UBE2E3: variants seen among roughly 807,000 people sequenced by gnomAD.
UBE2E3 encodes the protein ubiquitin conjugating enzyme E2 E3.
UBE2E3 carries 5 observed loss-of-function variants against 23.6 expected under a neutral mutation model. The ratio of observed to expected loss-of-function variants is 0.21; its 90% confidence interval spans 0.11 to 0.44. The LOEUF is 0.44. Among genes scored for constraint, UBE2E3 ranks in the 20% least tolerant of loss-of-function variants. The pLI, the probability that UBE2E3 is intolerant of heterozygous loss-of-function variation, is 0.99. For synonymous variants in UBE2E3, 78 were observed against 87.5 expected (o/e 0.89, Z 0.60); for missense variants, 81 against 249.8 (o/e 0.32, Z 4.55).
intron 3 of UBE2E3, among the ~76,000 whole-genome samples, chr2:181,001,080 A>T (rs1298957124): frequency 6.6e-6 from 1 of 152,226 alleles, no homozygotes; most frequent in Non-Finnish European, 1.5e-5. Flanking sequence ...AAAATTGGAA[A>T]CAACTTGGGA....
chr2:181,021,356 TC>T (rs894903112), intron 3 of UBE2E3, among the ~76,000 whole-genome samples: 1 of 139,808 alleles, frequency 7.2e-6, no homozygotes, highest in Non-Finnish European at 1.6e-5. Context: ...TCTTTTCTCT[TC>T]TTTTTTTTTT....
intron 3 of UBE2E3, among the ~76,000 whole-genome samples, chr2:181,050,037 C>G (rs1035136212): frequency 6.6e-6 from 1 of 151,820 alleles, no homozygotes; most frequent in African/African-American, 2.4e-5. Flanking sequence ...TACAAAAAGG[C>G]CAATAAGTTA....
At chr2:181,058,061 A>C (rs943063192) in intron 4 of UBE2E3, among the ~76,000 whole-genome samples, 9 of 151,806 alleles carry the variant, frequency 5.9e-5, no homozygotes, top group Non-Finnish European at 1.3e-4. Context: ...TACCTTGCAC[A>C]TCAATAAAGC....
chr2:181,002,959 A>G (rs1574171401), intron 3 of UBE2E3, among the ~76,000 whole-genome samples: 1 of 152,266 alleles, frequency 6.6e-6, no homozygotes, highest in African/African-American at 2.4e-5. Context: ...CACCCGGTAC[A>G]AAAATGCAGG....
intron 3 of UBE2E3, among the ~76,000 whole-genome samples, chr2:181,041,761 T>G (rs4666684): frequency 0.23 from 35,287 of 151,986 alleles, 4,457 homozygotes; most frequent in Non-Finnish European, 0.28. Flanking sequence ...GTAAGCTCTT[T>G]TCAAATAAGA....
intron 3 of UBE2E3, among the ~76,000 whole-genome samples, chr2:181,019,087 C>T (rs1467273298): frequency 6.6e-6 from 1 of 152,140 alleles, no homozygotes; most frequent in Non-Finnish European, 1.5e-5. Flanking sequence ...CCTCAGTCTT[C>T]CAAGTAGCTG....
intron 3 of UBE2E3, among the ~76,000 whole-genome samples, chr2:181,045,270 TG>T (rs1293795643): frequency 1.3e-5 from 2 of 152,164 alleles, no homozygotes; most frequent in African/African-American, 4.8e-5. Flanking sequence ...CTTTTTGAGG[TG>T]GTGATAGGGA....
chr2:181,051,053 C>T (rs1310702782), intron 3 of UBE2E3, among the ~76,000 whole-genome samples: 1 of 151,820 alleles, frequency 6.6e-6, no homozygotes, highest in Non-Finnish European at 1.5e-5. Context: ...CCTTTTCCTT[C>T]CGGCCCAGAG....
chr2:181,059,711 T>TATAC (rs2105482623), intron 4 of UBE2E3, among the ~76,000 whole-genome samples: 1 of 151,810 alleles, frequency 6.6e-6, no homozygotes, highest in East Asian at 1.9e-4. Context: ...GTAACTAGTA[T>TATAC]ATGCTGTATT....
chr2:181,043,827 C>T (rs1314917391), intron 3 of UBE2E3, among the ~76,000 whole-genome samples: 1 of 152,090 alleles, frequency 6.6e-6, no homozygotes, highest in Non-Finnish European at 1.5e-5. Context: ...ATGAATATTT[C>T]TCCATGTCAT....
At chr2:180,987,344 T>TC in intron 3 of UBE2E3, 1 of 1,549,950 alleles carries the variant, frequency 6.5e-7, no homozygotes, top group Non-Finnish European at 8.7e-7. Context: ...CCAGAGGGTG[T>TC]CCTTGTCCTC....
chr2:181,032,064 A>G (rs940764703), intron 3 of UBE2E3, among the ~76,000 whole-genome samples: 1 of 152,170 alleles, frequency 6.6e-6, no homozygotes, highest in African/African-American at 2.4e-5. Context: ...CTAGAAACCA[A>G]AAACTGTGGA....
chr2:181,032,974 G>GAT lies in UBE2E3; in HGVS notation c.246-24716_246-24715dup, dbSNP rs1213028553. ...ATACCTAGGAATCCAACTTACAAGG[G>GAT]ATATGAAGGACCTCTTCAAGGAGAA... On this transcript the variant is annotated intron_variant, in intron 3 of 5. Transcript: ENST00000410062. Among the ~76,000 whole-genome samples, 15 of 152,088 alleles carry GAT rather than the reference G, an allele frequency of 9.9e-5. 1 individual carries two copies. Among genetic ancestry groups the GAT allele is most frequent in the African/African-American group, 3.6e-4 (15 of 41,486 alleles).
intron 3 of UBE2E3, among the ~76,000 whole-genome samples, chr2:181,016,218 T>G (rs1685483956): frequency 6.6e-6 from 1 of 152,004 alleles, no homozygotes; most frequent in Non-Finnish European, 1.5e-5. Context: ...TTTACCTTCT[T>G]TATACCTTTT....
chr2:180,994,810 A>G (rs1299003498), intron 3 of UBE2E3, among the ~76,000 whole-genome samples: 1 of 152,234 alleles, frequency 6.6e-6, no homozygotes, highest in Admixed American at 6.5e-5. Context: ...ATATGTGGAT[A>G]CTAGTCTGTT....
chr2:181,034,777 A>T (rs560964272), intron 3 of UBE2E3, among the ~76,000 whole-genome samples: 1 of 152,204 alleles, frequency 6.6e-6, no homozygotes, highest in East Asian at 1.9e-4. Context: ...TTTCATTTCT[A>T]TTTATATTCA....
intron 3 of UBE2E3, among the ~76,000 whole-genome samples, chr2:180,984,869 G>A (rs2105564824): frequency 6.6e-6 from 1 of 151,730 alleles, no homozygotes; most frequent in East Asian, 1.9e-4. Flanking sequence ...TTTTTTTAAT[G>A]ACTATGGCTT....
chr2:181,005,625 C>CTG (rs140222814), intron 3 of UBE2E3, among the ~76,000 whole-genome samples: 5,758 of 152,220 alleles, frequency 0.038, 297 homozygotes, highest in East Asian at 0.19. Flanking sequence ...TTTATATTAC[C>CTG]TGTGTGGCAC....
intron 3 of UBE2E3, among the ~76,000 whole-genome samples, chr2:181,008,665 G>A (rs1308222038): frequency 1.3e-5 from 2 of 152,186 alleles, no homozygotes; most frequent in Non-Finnish European, 2.9e-5. Flanking sequence ...GTCTCTAGTG[G>A]TGAGAGGAGG....
Sources: allele counts gnomAD v4.1 joint callset (sites outside exome capture counted in the v4.1 genomes callset), GRCh38; gene constraint gnomAD v4.1.1; transcripts MANE v1.5; gene names NCBI Gene and HGNC (gene_info 2026-07-23, HGNC 2026-07-21).